The following SH3D19 variants were observed in gnomAD, a reference collection of about 807,000 sequenced individuals.
The protein encoded by SH3D19 is SH3 domain-containing protein 19.
A neutral mutation model predicts 112.1 loss-of-function variants in SH3D19; 58 were observed. That is an observed-to-expected ratio of 0.52 (90% CI 0.42 to 0.64). The LOEUF is 0.64. Among genes scored for constraint, SH3D19 ranks in the 30% least tolerant of loss-of-function variants. The pLI is 0.00. For synonymous variants in SH3D19, 391 were observed against 448.5 expected, an observed-to-expected ratio of 0.87 and a Z score of 1.62; for missense variants, 1,090 against 1,263.4, an observed-to-expected ratio of 0.86 and a Z score of 2.08.
In SH3D19 at chr4:151,131,855, C is replaced by T. The variant is rs889402504; in HGVS notation, c.2742+476G>A. On this transcript the variant is annotated intron_variant, in intron 17 of 19. Coordinates refer to ENST00000604030, the MANE Select transcript of SH3D19 (RefSeq NM_001378122.1). ...TTCTTTCTTTTTTGAGATAGAGTCT[C>T]GCACTGCCACCCAGGCTGGAATGCA... Among the ~76,000 whole-genome samples the T allele has an allele frequency of 2.6e-5, 4 of 151,282 alleles. No individual in the cohort carries two copies. In the East Asian group the frequency reaches 5.9e-4, roughly 22 times the overall value.
At chr4:151,284,923 G>A (rs558183255) in intron 1 of SH3D19, among the ~76,000 whole-genome samples, 1 of 152,218 alleles carries the variant, frequency 6.6e-6, no homozygotes, top group East Asian at 1.9e-4. Flanking sequence ...TGCAGAACTT[G>A]GGACTCTCGC....
chr4:151,258,381 G>A (rs1772102877), intron 1 of SH3D19, among the ~76,000 whole-genome samples: 1 of 152,204 alleles, frequency 6.6e-6, no homozygotes, highest in Admixed American at 6.5e-5. Context: ...AGTCTGCACA[G>A]CCATTTGAGA....
At chr4:151,170,362 C>A (rs1032751283) in intron 7 of SH3D19, among the ~76,000 whole-genome samples, 11 of 151,980 alleles carry the variant, frequency 7.2e-5, no homozygotes, top group Non-Finnish European at 1.3e-4. Flanking sequence ...AGAACAAAAC[C>A]ACTTAAAAAT....
chr4:151,264,667 C>T (rs1772636518), intron 1 of SH3D19, among the ~76,000 whole-genome samples: 2 of 152,228 alleles, frequency 1.3e-5, no homozygotes, highest in South Asian at 4.2e-4. Context: ...GTTGTGTTCT[C>T]AGGTGTGTTG....
intron 1 of SH3D19, among the ~76,000 whole-genome samples, chr4:151,300,162 T>C (rs1024915031): frequency 2.6e-5 from 4 of 151,754 alleles, no homozygotes; most frequent in African/African-American, 9.7e-5. Flanking sequence ...CATCATGCTA[T>C]TGCACTCCAG....
At chr4:151,239,206 C>T (rs1044244271) in intron 1 of SH3D19, among the ~76,000 whole-genome samples, 12 of 152,186 alleles carry the variant, frequency 7.9e-5, no homozygotes, top group Admixed American at 7.2e-4. Context: ...TTTTGACTCA[C>T]ATTATAATCC....
At chr4:151,137,619 T>C in intron 14 of SH3D19, 113 bp downstream of exon 14, 1 of 807,558 alleles carries the variant, frequency 1.2e-6, no homozygotes, top group Non-Finnish European at 1.8e-6. Context: ...AAATGCCAAA[T>C]GAATCAATGA....
chr4:151,127,596 ATGAAG>A lies in SH3D19; in HGVS notation c.3027+17_3027+21del. 7.0e-7 allele frequency: 1 copy of A among 1,428,834 alleles called. No individual in the cohort carries two copies. Among genetic ancestry groups the A allele is most frequent in the Non-Finnish European group, 9.7e-7 (1 of 1,035,940 alleles). 88.5% of individuals were successfully genotyped at this position (1,428,834 alleles called of 1,614,324 possible). On this transcript the variant is annotated intron_variant, in intron 19 of 19. Coordinates refer to ENST00000604030, the MANE Select transcript of SH3D19 (RefSeq NM_001378122.1). ...AAAAATTATAGTGCTTAATGCAGTT[ATGAAG>A]AGATACACATTCTGACCTTGAAGGA...
At chr4:151,238,408 G>C (rs17633654) in intron 1 of SH3D19, among the ~76,000 whole-genome samples, 1 of 152,086 alleles carries the variant, frequency 6.6e-6, no homozygotes, top group African/African-American at 2.4e-5. Flanking sequence ...TCTACACATT[G>C]GTTTTCAGCT....
At chr4:151,127,055 G>A (rs532705543) in intron 19 of SH3D19, among the ~76,000 whole-genome samples, 129 of 151,558 alleles carry the variant, frequency 8.5e-4, no homozygotes, top group African/African-American at 2.4e-3. Flanking sequence ...GATTACAGGC[G>A]CCTGCCACCA....
chr4:151,314,904 T>C (rs529295289), intron 1 of SH3D19, among the ~76,000 whole-genome samples: 2 of 152,240 alleles, frequency 1.3e-5, no homozygotes, highest in South Asian at 2.1e-4. Flanking sequence ...GGGAGGAAGA[T>C]GGTAAGGGGA....
chr4:151,296,786 A>T (rs1291399751), intron 1 of SH3D19, among the ~76,000 whole-genome samples: 1 of 152,174 alleles, frequency 6.6e-6, no homozygotes, highest in Non-Finnish European at 1.5e-5. Flanking sequence ...TCCTATGAGC[A>T]ATTTTTTTCC....
Position 151,149,511 on chromosome 4 carries a change from C to T in SH3D19, c.1806G>A (p.Arg602=). The change falls in exon 10 of 20, where the codon AGG becomes AGA. Residue 602 remains arginine (R), a synonymous_variant. Transcript: ENST00000604030. ...CCACATTTACTTACCTCGGTGGCAA[C>T]CTTGGGGGTACTCGCACAAAACCTC... ...QTGGFVRVPP[R]LPPRPVNGKT... The T allele has an allele frequency of 1.2e-6, 2 of 1,610,770 alleles. No homozygotes were observed. Among genetic ancestry groups the T allele is most frequent in the Non-Finnish European group, 1.7e-6 (2 of 1,178,324 alleles).
At chr4:151,176,493 G>C (rs1229400039) in intron 6 of SH3D19, 41 bp downstream of exon 6, 1 of 1,229,302 alleles carries the variant, frequency 8.1e-7, no homozygotes. Context: ...TACTTCCCTA[G>C]AACTAGGTCA....
chr4:151,149,634 A>G, intron 9 of SH3D19, 73 bp from the exon 10 acceptor site: 1 of 1,382,690 alleles, frequency 7.2e-7, no homozygotes, highest in East Asian at 2.3e-5. Context: ...AATTCTAGGC[A>G]ACCTTTTGGC....
At chr4:151,190,619 G>A (rs760592802) in intron 2 of SH3D19, among the ~76,000 whole-genome samples, 12 of 152,188 alleles carry the variant, frequency 7.9e-5, no homozygotes, top group African/African-American at 1.9e-4. Flanking sequence ...CAGCTTCCAT[G>A]TGGTGTTGAG....
At chr4:151,321,557 A>G (rs953592874) in intron 1 of SH3D19, among the ~76,000 whole-genome samples, 2 of 152,210 alleles carry the variant, frequency 1.3e-5, no homozygotes, top group Non-Finnish European at 2.9e-5. Flanking sequence ...ACTAAGTCCT[A>G]TAAGTTAGCC....
At chr4:151,315,459 A>G (rs1301631868) in intron 1 of SH3D19, among the ~76,000 whole-genome samples, 1 of 152,216 alleles carries the variant, frequency 6.6e-6, no homozygotes, top group Non-Finnish European at 1.5e-5. Context: ...AGTCTTAGTC[A>G]TAGGTCACCT....
chr4:151,157,163 G>T (rs1375249769), intron 9 of SH3D19, among the ~76,000 whole-genome samples: 1 of 151,166 alleles, frequency 6.6e-6, no homozygotes, highest in Non-Finnish European at 1.5e-5. Context: ...GAGGTGGGAG[G>T]ATCACCTGAG....
Sources: allele counts gnomAD v4.1 joint callset (sites outside exome capture counted in the v4.1 genomes callset), GRCh38; gene constraint gnomAD v4.1.1; transcripts MANE v1.5; gene names NCBI Gene and HGNC (gene_info 2026-07-23, HGNC 2026-07-21).